Variants in THUMPD2 observed in about 807,000 individuals in gnomAD.
The protein encoded by THUMPD2 is U6 snRNA (guanine-N(2))-methyltransferase THUMPD2.
A neutral mutation model predicts 49.4 loss-of-function variants in THUMPD2; 56 were observed. The ratio of observed to expected loss-of-function variants is 1.13; its 90% CI spans 0.91 to 1.41. THUMPD2 has a LOEUF of 1.41. Among genes scored for constraint, THUMPD2 ranks in the 40% most tolerant of loss-of-function variants. The pLI is 0.00. For missense variants in THUMPD2, 709 were observed against 594.5 expected, an observed-to-expected ratio of 1.19 and a Z score of -2.00; for synonymous variants, 237 against 205.2, an observed-to-expected ratio of 1.15 and a Z score of -1.32.
chr2:39,745,540 G>A (rs995706005), intron 8 of THUMPD2, among the ~76,000 whole-genome samples: 1 of 152,074 alleles, frequency 6.6e-6, no homozygotes, highest in Non-Finnish European at 1.5e-5. Flanking sequence ...AATAGACAAC[G>A]AAGGCAACCA....
chr2:39,751,499 A>T (rs965593108), intron 8 of THUMPD2, among the ~76,000 whole-genome samples: 1 of 152,164 alleles, frequency 6.6e-6, no homozygotes, highest in East Asian at 1.9e-4. Context: ...CTTTTGCTCA[A>T]ATCTGTTTAT....
At chr2:39,772,431 A>G (rs1157325902) in intron 1 of THUMPD2, among the ~76,000 whole-genome samples, 3 of 152,206 alleles carry the variant, frequency 2.0e-5, no homozygotes, top group Non-Finnish European at 4.4e-5. Flanking sequence ...GACTGAGTGT[A>G]GAATGTGATG....
intron 8 of THUMPD2, among the ~76,000 whole-genome samples, chr2:39,751,832 T>C (rs1240658458): frequency 2.6e-5 from 4 of 151,982 alleles, no homozygotes; most frequent in African/African-American, 9.7e-5. Context: ...CTACAGCCAC[T>C]ACGCCTGGCT....
At chr2:39,768,898 C>T in intron 3 of THUMPD2, 12 of 1,300,086 alleles carry the variant, frequency 9.2e-6, no homozygotes, top group Non-Finnish European at 1.1e-5. Context: ...TCATTAGACT[C>T]ACCCTTTAGG....
rs1051199376 is a variant in THUMPD2, at chr2:39,736,513, C to G, written c.*222G>C. On this transcript the variant is annotated 3_prime_UTR_variant, in exon 10 of 10. Transcript: ENST00000505747. ...TTCTGACAGAAGATAAAACTTAAGT[C>G]TAAAAAATATTCGATAACTTTTTTC... The G allele has an allele frequency of 4.8e-6, 2 of 413,830 alleles. No individual in the cohort carries two copies. Among genetic ancestry groups the G allele is most frequent in the Admixed American group, 4.0e-5 (1 of 25,010 alleles). The allele number at this position is 413,830 out of a possible 1,614,324, so 25.6% of individuals were successfully genotyped here.
In THUMPD2 at chr2:39,736,877, G is replaced by T. The variant is rs375427033; in HGVS notation, c.1370C>A (p.Ser457Ter). 1 of 1,614,102 alleles carries T rather than the reference G, an allele frequency of 6.2e-7. No homozygotes were observed. The highest frequency in any genetic ancestry group is 8.5e-7 in the Non-Finnish European group (1 of 1,180,032). The change falls in exon 10 of 10, where the codon TCA becomes TAA. Residue 457 changes from serine to a stop codon, truncating the protein, a stop_gained. Coordinates refer to ENST00000505747, the MANE Select transcript of THUMPD2 (RefSeq NM_025264.5). LOFTEE classifies it low-confidence loss of function (END_TRUNC). ...KTGAFKTAST[S>*]FEASNHKFLD... ...GAATTTGTGGTTACTGGCTTCGAAT[G>T]AAGTTGACGCTGTCTTGAATGCACC...
At position 39,779,131 on chromosome 2, in the gene THUMPD2, G is replaced by A; in HGVS notation, c.109C>T (p.Arg37Trp). 1.3e-6 allele frequency: 2 copies of A among 1,513,758 alleles called. No individual in the cohort carries two copies. The highest frequency in any genetic ancestry group is 1.2e-5 in the South Asian group (1 of 81,214). The allele number at this position is 1,513,758 out of a possible 1,614,324, so 93.8% of individuals were successfully genotyped here. The change falls in exon 1 of 10, where the codon CGG (arginine) becomes TGG (tryptophan). Residue 37 changes from arginine (R) to tryptophan (W), a missense_variant. Arg to Trp is a moderately radical substitution (Grantham distance 101). Transcript: ENST00000505747. ...EPFVMREVRA[R>W]LAATQVEYIS... is the part of the protein sequence containing the mutation. Reference sequence around the variant, plus strand: ...CAACTCACCTGCGTGGCCGCCAGCCGCGCCCGCACCTCTCGCATTACGAAC... The same window carrying A: ...CAACTCACCTGCGTGGCCGCCAGCCACGCCCGCACCTCTCGCATTACGAAC...
Position 39,769,163 on chromosome 2 carries a change from G to A in THUMPD2, c.672+547C>T, listed in dbSNP as rs140852617. ...GAAACCCCAAAAGCTGAGGACTATG[G>A]TATCAGGATTTCCAAATACAAAGGA... On this transcript the variant is annotated intron_variant, in intron 3 of 9. Transcript: ENST00000505747. 89 of 1,141,496 alleles carry A rather than the reference G, an allele frequency of 7.8e-5. No homozygotes were observed. In the African/African-American group the frequency reaches 1.3e-3, roughly 16 times the overall value. The allele number at this position is 1,141,496 out of a possible 1,614,324, so 70.7% of individuals were successfully genotyped here.
chr2:39,744,690 G>A, intron 8 of THUMPD2: 1 of 333,558 alleles, frequency 3.0e-6, no homozygotes. Context: ...GTTGAAAATT[G>A]GTTTTTCAGA....
intron 8 of THUMPD2, among the ~76,000 whole-genome samples, chr2:39,747,308 G>A (rs1347667301): frequency 6.6e-6 from 1 of 152,064 alleles, no homozygotes; most frequent in African/African-American, 2.4e-5. Context: ...CTCTCGTTTG[G>A]TTGCTGAATT....
In THUMPD2 at chr2:39,770,107, T is replaced by C. The variant is rs1411714919; in HGVS notation, c.275A>G (p.Asn92Ser). The C allele has an allele frequency of 6.7e-7, 1 of 1,482,948 alleles. No individual in the cohort carries two copies. Among genetic ancestry groups the C allele is most frequent in the Non-Finnish European group, 8.9e-7 (1 of 1,125,688 alleles). 91.9% of individuals were successfully genotyped at this position (1,482,948 alleles called of 1,614,324 possible). A position where few individuals can be genotyped will look rare whatever the true frequency, so the allele number is the denominator to read the frequency against. The change falls in exon 3 of 10, where the codon AAT (asparagine) becomes AGT (serine). Residue 92 changes from asparagine to serine, a missense_variant. Physicochemically the swap from Asn to Ser is conservative, Grantham distance 46. Coordinates refer to ENST00000505747, the MANE Select transcript of THUMPD2 (RefSeq NM_025264.5). ...TTCATTTATAAGTCTTTGCATTTCATTAAATATTTTTCCTAAATAAGAAAA... is the reference window on the plus strand; with the variant it reads ...TTCATTTATAAGTCTTTGCATTTCACTAAATATTTTTCCTAAATAAGAAAA... ...ISSVSKGKIF[N>S]EMQRLINEDP... is the part of the protein sequence containing the mutation.
At chr2:39,744,142 G>A (rs1674272820) in intron 9 of THUMPD2, among the ~76,000 whole-genome samples, 2 of 151,282 alleles carry the variant, frequency 1.3e-5, no homozygotes. Flanking sequence ...TCAAATCTCA[G>A]TACATAATAG....
intron 9 of THUMPD2, among the ~76,000 whole-genome samples, chr2:39,742,350 C>T (rs542019709): frequency 1.3e-5 from 2 of 152,266 alleles, no homozygotes; most frequent in Admixed American, 1.3e-4. Flanking sequence ...TATGCATTTT[C>T]CTGATTCTTA....
chr2:39,768,310 G>A (rs1677828331), intron 4 of THUMPD2, 114 bp downstream of exon 4: 2 of 866,544 alleles, frequency 2.3e-6, no homozygotes, highest in African/African-American at 1.7e-5. Flanking sequence ...TTGGATCCCT[G>A]TAGATACACT....
In THUMPD2 at chr2:39,755,746, A is replaced by G. The variant is rs115172226; in HGVS notation, c.963+143T>C. On this transcript the variant is annotated intron_variant, in intron 7 of 9. Coordinates refer to ENST00000505747, the MANE Select transcript of THUMPD2 (RefSeq NM_025264.5). ...AACATAGCAATTTCATTAGTCCCTC[A>G]TCATCTATTTTGAGTAAATAATAAC... 2,468 of 622,052 alleles carry G rather than the reference A, an allele frequency of 4.0e-3. 53 individuals carry two copies. The African/African-American group carries it at 0.056, about 14-fold the overall frequency. 38.5% of individuals were successfully genotyped at this position (622,052 alleles called of 1,614,324 possible). A position where few individuals can be genotyped will look rare whatever the true frequency, so the allele number is the denominator to read the frequency against.
chr2:39,763,833 T>C (rs1007056809), intron 5 of THUMPD2, among the ~76,000 whole-genome samples: 1 of 152,192 alleles, frequency 6.6e-6, no homozygotes, highest in African/African-American at 2.4e-5. Flanking sequence ...ACTTTCTCTA[T>C]GTCCCATTTA....
intron 5 of THUMPD2, among the ~76,000 whole-genome samples, chr2:39,764,347 A>T (rs1349669987): frequency 2.6e-5 from 4 of 152,236 alleles, no homozygotes; most frequent in Non-Finnish European, 4.4e-5. Flanking sequence ...ATAGCAGAGA[A>T]ATATGATAAC....
In THUMPD2 at chr2:39,771,604, A is replaced by T. The variant is rs190527046; in HGVS notation, c.163T>A (p.Cys55Ser). 8.7e-5 allele frequency: 140 copies of T among 1,605,962 alleles called. 1 individual carries two copies. In the Admixed American group the frequency reaches 2.0e-3, roughly 23 times the overall value. ...YISGKVFFTT[C>S]SDLNMLKKLK... ...TTCTTCAACATATTCAAATCAGAAC[A>T]GGTGGTGAAAAAAACCTTTCCTGAA... The change falls in exon 2 of 10, where the codon TGT becomes AGT. Residue 55 changes from cysteine to serine, a missense_variant. Cys to Ser is a moderately radical substitution (Grantham distance 112). Coordinates refer to ENST00000505747, the MANE Select transcript of THUMPD2 (RefSeq NM_025264.5).
intron 8 of THUMPD2, among the ~76,000 whole-genome samples, chr2:39,745,707 G>C (rs1489777186): frequency 6.6e-6 from 1 of 151,872 alleles, no homozygotes; most frequent in Non-Finnish European, 1.5e-5. Flanking sequence ...TTTTTCTTCT[G>C]GGTCTCCATT....
Sources: gnomAD v4.1 joint callset for allele counts (sites outside exome capture counted in the v4.1 genomes callset) on GRCh38, gnomAD v4.1.1 for gene constraint, MANE v1.5 for transcripts, NCBI Gene and HGNC (gene_info 2026-07-23, HGNC 2026-07-21) for gene names.